The following XKR6 variants were observed in gnomAD, a reference collection of about 807,000 sequenced individuals.
XKR6 encodes XK-related protein 6.
A neutral mutation model predicts 56.7 loss-of-function variants in XKR6; 22 were observed. The observed-to-expected ratio is 0.39, with a 90% CI of 0.28 to 0.55. The LOEUF is 0.55. XKR6 is among the 20% of genes least tolerant of loss of function. XKR6 has a pLI of 0.66. For synonymous variants in XKR6, 524 were observed against 387.8 expected, an observed-to-expected ratio of 1.35 and a Z score of -4.13; for missense variants, 852 against 889.0, an observed-to-expected ratio of 0.96 and a Z score of 0.53.
At position 10,897,239 on chromosome 8, in the gene XKR6, G is replaced by T. The variant is rs542286162; in HGVS notation, c.*713C>A. 3.3e-5 allele frequency: 5 copies of T among 152,768 alleles called. No individual in the cohort carries two copies. The highest frequency in any genetic ancestry group is 1.2e-4 in the African/African-American group (5 of 41,572). The allele number at this position is 152,768 out of a possible 1,614,324, so 9.5% of individuals were successfully genotyped here. Reference sequence around the variant, plus strand: ...CAAAGTGGGGAGAAGGTCAGGAGAGGAGGGGGAGAAACTGAAAAGAGGGAG... The same window carrying T: ...CAAAGTGGGGAGAAGGTCAGGAGAGTAGGGGGAGAAACTGAAAAGAGGGAG... On this transcript the variant is annotated 3_prime_UTR_variant, in exon 3 of 3. Transcript: ENST00000416569.
intron 2 of XKR6, among the ~76,000 whole-genome samples, chr8:10,911,237 TATAG>T (rs1356766662): frequency 1.6e-5 from 2 of 126,432 alleles, no homozygotes; most frequent in African/African-American, 6.9e-5. Context: ...TGTGTGTGTG[TATAG>T]AGAGAGAGAG....
intron 1 of XKR6, among the ~76,000 whole-genome samples, chr8:11,177,775 G>A (rs1301061096): frequency 6.6e-6 from 1 of 152,234 alleles, no homozygotes; most frequent in African/African-American, 2.4e-5. Context: ...AATCTCAGGG[G>A]AGCAGTGCCC....
intron 1 of XKR6, among the ~76,000 whole-genome samples, chr8:11,065,153 C>T (rs564127882): frequency 2.3e-4 from 35 of 152,190 alleles, no homozygotes; most frequent in Non-Finnish European, 3.7e-4. Flanking sequence ...AGGCTAGACT[C>T]ATGGTAATGA....
chr8:11,099,310 C>T (rs1798379806), intron 1 of XKR6, among the ~76,000 whole-genome samples: 1 of 152,250 alleles, frequency 6.6e-6, no homozygotes, highest in South Asian at 2.1e-4. Context: ...ATAGCCACAC[C>T]ATTGCTGCTG....
intron 1 of XKR6, among the ~76,000 whole-genome samples, chr8:11,059,661 C>A (rs1200636110): frequency 7.8e-6 from 1 of 127,838 alleles, no homozygotes; most frequent in Non-Finnish European, 1.5e-5. Flanking sequence ...GCGGGGGGCG[C>A]GGGGCGGGAC....
At chr8:10,972,522 G>A (rs193025687) in intron 1 of XKR6, among the ~76,000 whole-genome samples, 13 of 152,288 alleles carry the variant, frequency 8.5e-5, no homozygotes, top group Admixed American at 5.2e-4. Flanking sequence ...TCATGGAATC[G>A]TATTGCACAT....
intron 1 of XKR6, among the ~76,000 whole-genome samples, chr8:11,028,684 G>C (rs1034455609): frequency 2.0e-5 from 3 of 152,192 alleles, no homozygotes; most frequent in Non-Finnish European, 4.4e-5. Context: ...GGCACTTGGT[G>C]GATGTACCTT....
At chr8:11,129,120 C>T (rs1423991723) in intron 1 of XKR6, 5 of 370,488 alleles carry the variant, frequency 1.3e-5, no homozygotes, top group Admixed American at 7.1e-5. Flanking sequence ...CAACTTTGGG[C>T]TATGATGAAT....
At chr8:10,979,842 C>G (rs1797687559) in intron 1 of XKR6, among the ~76,000 whole-genome samples, 1 of 152,198 alleles carries the variant, frequency 6.6e-6, no homozygotes, top group Admixed American at 6.5e-5. Context: ...CACAGACTCC[C>G]AGGCTGAGGT....
At chr8:11,185,425 T>C (rs1272298237) in intron 1 of XKR6, among the ~76,000 whole-genome samples, 2 of 152,220 alleles carry the variant, frequency 1.3e-5, no homozygotes, top group Admixed American at 6.5e-5. Flanking sequence ...TATACGTAGT[T>C]TCACTTCAAA....
chr8:11,062,398 ATG>A lies in XKR6; in HGVS notation c.765-137570_765-137569del, dbSNP rs529323849. 2.2e-4 allele frequency among the ~76,000 whole-genome samples: 33 copies of A among 152,288 alleles called. 1 individual carries two copies. In the South Asian group the frequency reaches 6.0e-3, roughly 28 times the overall value. On this transcript the variant is annotated intron_variant, in intron 1 of 2. Coordinates refer to ENST00000416569, the MANE Select transcript of XKR6 (RefSeq NM_173683.4). ...CTCCTAGGTTGATGCCTTTATTTGT[ATG>A]TTCCTTCATTTAGCCCCAACTCTCC...
At chr8:11,052,845 C>G (rs1254655473) in intron 1 of XKR6, among the ~76,000 whole-genome samples, 2 of 152,130 alleles carry the variant, frequency 1.3e-5, no homozygotes, top group Non-Finnish European at 1.5e-5. Context: ...CCTCCCACTC[C>G]CGCACCCCTA....
chr8:11,184,600 C>G lies in XKR6; in HGVS notation c.764+15976G>C, dbSNP rs925926618. On this transcript the variant is annotated intron_variant, in intron 1 of 2. Transcript: ENST00000416569. ...TTTTATGGTTTTCTATAAGAACTTA[C>G]AAAACATACTGACCTGTTTCGATGA... Among the ~76,000 whole-genome samples, 4 of 152,252 alleles carry G rather than the reference C, an allele frequency of 2.6e-5. No homozygotes were observed. In the South Asian group the frequency reaches 8.3e-4, roughly 32 times the overall value.
At chr8:10,981,027 T>G (rs185382437) in intron 1 of XKR6, among the ~76,000 whole-genome samples, 4 of 151,996 alleles carry the variant, frequency 2.6e-5, no homozygotes, top group Admixed American at 1.3e-4. Context: ...GTTTGAAGGG[T>G]CAAAATACCA....
chr8:11,093,061 C>A (rs1239924723), intron 1 of XKR6, among the ~76,000 whole-genome samples: 1 of 151,048 alleles, frequency 6.6e-6, no homozygotes, highest in African/African-American at 2.4e-5. Context: ...TTTTTCTTTT[C>A]TTTCTTTCTT....
chr8:11,113,905 T>C (rs1179221141), intron 1 of XKR6: 3 of 239,584 alleles, frequency 1.3e-5, no homozygotes, highest in East Asian at 1.2e-4. Flanking sequence ...TTTTTAATCT[T>C]GAAGAGGAAG....
intron 1 of XKR6, among the ~76,000 whole-genome samples, chr8:11,026,672 T>C (rs1163347943): frequency 2.0e-5 from 3 of 148,094 alleles, no homozygotes; most frequent in Non-Finnish European, 4.5e-5. Context: ...CTTAATGGCG[T>C]TGCCTACTAC....
At chr8:11,046,549 G>A (rs187766905) in intron 1 of XKR6, among the ~76,000 whole-genome samples, 1 of 152,254 alleles carries the variant, frequency 6.6e-6, no homozygotes, top group African/African-American at 2.4e-5. Flanking sequence ...AGTGTTCACC[G>A]GTGGATGAAT....
At chr8:11,044,500 G>C (rs1799359464) in intron 1 of XKR6, among the ~76,000 whole-genome samples, 1 of 152,150 alleles carries the variant, frequency 6.6e-6, no homozygotes, top group South Asian at 2.1e-4. Flanking sequence ...TGATTTTTCA[G>C]CTGACACACC....
Sources: allele counts gnomAD v4.1 joint callset (sites outside exome capture counted in the v4.1 genomes callset), GRCh38; gene constraint gnomAD v4.1.1; transcripts MANE v1.5; gene names NCBI Gene and HGNC (gene_info 2026-07-23, HGNC 2026-07-21).